RBPJL: variants seen among roughly 807,000 people sequenced by gnomAD.
RBPJL encodes recombination signal binding protein for immunoglobulin kappa J region like, also known as recombining binding protein suppressor of hairless-like protein.
Under a neutral mutation model 57.6 loss-of-function variants are expected in RBPJL, and 50 were observed. That is an observed-to-expected ratio of 0.87 (90% CI 0.69 to 1.10). The LOEUF is 1.10. Among genes scored for constraint, RBPJL ranks in the 50% least tolerant of loss-of-function variants. The probability of loss-of-function intolerance (pLI) is 0.00; values close to 1 mark genes in which losing one functional copy is unlikely to be tolerated. For missense variants in RBPJL, 684 were observed against 693.7 expected, an observed-to-expected ratio of 0.99 and a Z score of 0.16; for synonymous variants, 303 against 294.4, an observed-to-expected ratio of 1.03 and a Z score of -0.30.
chr20:45,313,362 C>A (rs1186210326), intron 6 of RBPJL, 106 bp from the exon 7 acceptor site: 2 of 877,448 alleles, frequency 2.3e-6, no homozygotes, highest in Non-Finnish European at 3.4e-6. Flanking sequence ...CTCACCCTCA[C>A]CCTAACCCTC....
rs554776269 is a variant in RBPJL at position 45,317,105 on chromosome 20, G to C, written c.*146G>C. 8.2e-5 allele frequency: 80 copies of C among 970,542 alleles called. 1 individual carries two copies. The African/African-American group carries it at 1.2e-3, about 15-fold the overall frequency. 60.1% of individuals were successfully genotyped at this position (970,542 alleles called of 1,614,324 possible). On this transcript the variant is annotated 3_prime_UTR_variant, in exon 12 of 12. Coordinates refer to ENST00000343694, the MANE Select transcript of RBPJL (RefSeq NM_014276.4). ...GCTCACCCTAGAAACCGGGCCTGGTGGGTCTTACCCGGCTCACTCCCTCCC... is the reference window on the plus strand; with the variant it reads ...GCTCACCCTAGAAACCGGGCCTGGTCGGTCTTACCCGGCTCACTCCCTCCC...
intron 1 of RBPJL, 139 bp downstream of exon 1, chr20:45,307,083 G>GA: frequency 2.1e-6 from 1 of 483,844 alleles, no homozygotes; most frequent in Non-Finnish European, 3.3e-6. Context: ...AGCAGGATTA[G>GA]AACCTAGGGC....
At chr20:45,311,191 GAGGAAGGA>G (rs58816232) in intron 3 of RBPJL, among the ~76,000 whole-genome samples, 10,935 of 151,542 alleles carry the variant, frequency 0.072, 627 homozygotes, top group Admixed American at 0.17. Flanking sequence ...AAGAAAGAGA[GAGGAAGGA>G]AGGAAGGAAG....
At chr20:45,311,702 G>A (rs751832832) in intron 4 of RBPJL, 43 bp downstream of exon 4, 1 of 1,604,504 alleles carries the variant, frequency 6.2e-7, no homozygotes, top group South Asian at 1.1e-5. Flanking sequence ...GCTCTGTAGG[G>A]AGGACCACGA....
rs776530680 is a variant in RBPJL, at chr20:45,311,596, T to A, written c.265T>A (p.Cys89Ser). The change falls in exon 4 of 12, where the codon TGC becomes AGC. Residue 89 changes from cysteine to serine, a missense_variant. Coordinates refer to ENST00000343694, the MANE Select transcript of RBPJL (RefSeq NM_014276.4). The part of the protein sequence containing the change: ...KSYGNEKRFF[C>S]PPPCVYLSGP... ...ACTCACTTATCTCCGCAGGTTCTTC[T>A]GCCCCCCGCCCTGTGTCTACCTCTC... 6.2e-7 allele frequency: 1 copy of A among 1,614,162 alleles called. No individual in the cohort carries two copies. Among genetic ancestry groups the A allele is most frequent in the Non-Finnish European group, 8.5e-7 (1 of 1,180,012 alleles).
chr20:45,315,666 G>A lies in RBPJL; in HGVS notation c.1021-521G>A, dbSNP rs578014282. On this transcript the variant is annotated intron_variant, in intron 9 of 11. Coordinates refer to ENST00000343694, the MANE Select transcript of RBPJL (RefSeq NM_014276.4). ...TGAGGCAGGAGAATCATTTGAACCC[G>A]GGAGGCGGAGGTTGCAATGAGCCAA... 1.3e-3 allele frequency among the ~76,000 whole-genome samples: 192 copies of A among 151,642 alleles called. 1 individual carries two copies. The highest frequency in any genetic ancestry group is 4.5e-3 in the African/African-American group (186 of 41,350).
intron 6 of RBPJL, 29 bp from the exon 7 acceptor site, chr20:45,313,439 C>CACCCTA: frequency 1.3e-6 from 2 of 1,581,842 alleles, no homozygotes; most frequent in Non-Finnish European, 1.7e-6. Flanking sequence ...CCCTCACCCT[C>CACCCTA]ACCCTAACCC....
In RBPJL at chr20:45,316,491, C is replaced by A. The variant is rs1336661307; in HGVS notation, c.1191C>A (p.Gly397=). 1.3e-6 allele frequency: 2 copies of A among 1,546,536 alleles called. No individual in the cohort carries two copies. Among genetic ancestry groups the A allele is most frequent in the African/African-American group, 1.4e-5 (1 of 72,744 alleles). Residue 397 remains glycine (G), a synonymous_variant, in exon 11 of 12, where the codon GGC becomes GGA. Coordinates refer to ENST00000343694, the MANE Select transcript of RBPJL (RefSeq NM_014276.4). ...CCCTCCCCCAGCTGAGCGGCGGGGG[C>A]GACGTGGCCACGCTGGAGCTCCACG... The part of the protein sequence containing the change: ...LISTLELSGG[G]DVATLELHGE...
intron 2 of RBPJL, among the ~76,000 whole-genome samples, chr20:45,309,086 C>G (rs1226940396): frequency 1.3e-5 from 2 of 152,062 alleles, no homozygotes; most frequent in African/African-American, 4.8e-5. Flanking sequence ...GAGAGCGCTC[C>G]AGGCCAGGAG....
chr20:45,316,287 G>T lies in RBPJL; in HGVS notation c.1121G>T (p.Ser374Ile). The T allele has an allele frequency of 1.2e-6, 2 of 1,614,210 alleles. No homozygotes were observed. The highest frequency in any genetic ancestry group is 1.1e-5 in the South Asian group (1 of 91,090). The change falls in exon 10 of 12, where the codon AGC becomes ATC. Residue 374 changes from serine to isoleucine, a missense_variant. Ser to Ile is a moderately radical substitution (Grantham distance 142). Transcript: ENST00000343694. ...TESVEFSFST[S>I]LACTLEPVTP... ...TCGGTGGAATTTTCCTTCAGCACCA[G>T]CCTGGCGTGTACCCTGGAGCCGGTC...
Position 45,308,195 on chromosome 20 carries a change from A to G in RBPJL, c.75A>G (p.Ser25=), listed in dbSNP as rs1415175832. 6.2e-7 allele frequency: 1 copy of G among 1,614,106 alleles called. No individual in the cohort carries two copies. Among genetic ancestry groups the G allele is most frequent in the African/African-American group, 1.3e-5 (1 of 75,058 alleles). ...CTCACCTGAGCCTGCAGGACAGATC[A>G]GAGATGCAGCTGCAGAGCGAAGCCG... ...PLTHLSLQDR[S]EMQLQSEADR... Residue 25 remains serine, a synonymous_variant, in exon 2 of 12, where the codon TCA becomes TCG. Coordinates refer to ENST00000343694, the MANE Select transcript of RBPJL (RefSeq NM_014276.4).
intron 3 of RBPJL, 112 bp downstream of exon 3, chr20:45,309,804 C>A (rs1987059240): frequency 3.3e-5 from 46 of 1,395,348 alleles, no homozygotes; most frequent in Non-Finnish European, 4.2e-5. Context: ...GGGCTGAGAT[C>A]TCAGCTATTG....
In RBPJL at chr20:45,317,079, G is replaced by A. The variant is rs1987517034; in HGVS notation, c.*120G>A. 9.3e-6 allele frequency: 12 copies of A among 1,291,550 alleles called. No individual in the cohort carries two copies. The highest frequency in any genetic ancestry group is 4.2e-5 in the South Asian group (3 of 70,628). The allele number at this position is 1,291,550 out of a possible 1,614,324, so 80.0% of individuals were successfully genotyped here. ...CCTTTGCTGCAGAAGGGCAGCTGAA[G>A]GCTCACCCTAGAAACCGGGCCTGGT... On this transcript the variant is annotated 3_prime_UTR_variant, in exon 12 of 12. Transcript: ENST00000343694.
At chr20:45,311,469 T>C in intron 3 of RBPJL, 120 bp from the exon 4 acceptor site, 2 of 853,184 alleles carry the variant, frequency 2.3e-6, no homozygotes, top group Non-Finnish European at 3.8e-6. Context: ...TGAAAAAGCG[T>C]TGCGGGGAGC....
intron 1 of RBPJL, 94 bp downstream of exon 1, chr20:45,307,038 C>T: frequency 1.4e-6 from 1 of 711,986 alleles, no homozygotes; most frequent in Non-Finnish European, 1.8e-6. Flanking sequence ...AATAGGAAAA[C>T]TAAGCCCCAA....
In RBPJL at chr20:45,312,232, C is replaced by A. The variant is rs756368944; in HGVS notation, c.456C>A (p.Cys152Ter). Residue 152 changes from cysteine (C) to a stop codon, truncating the protein, a stop_gained, in exon 6 of 12, where the codon TGC becomes TGA. Transcript: ENST00000343694. LOFTEE classifies it high-confidence loss of function. ...TGTGAGCCCCCTAGGAATTCGGCTG[C>A]GCCAAGACCCTGTACATCTCAGATG... Reference protein sequence around the residue: ...EQQPDSREFGCAKTLYISDAD... With the variant: ...EQQPDSREFG 3 of 1,614,208 alleles carry A rather than the reference C, an allele frequency of 1.9e-6. No individual in the cohort carries two copies. Among genetic ancestry groups the A allele is most frequent in the Non-Finnish European group, 2.5e-6 (3 of 1,180,042 alleles).
Position 45,316,588 on chromosome 20 carries a change from G to A in RBPJL, c.1280+8G>A. On this transcript the variant is annotated splice_region_variant and intron_variant, in intron 11 of 11. Coordinates refer to ENST00000343694, the MANE Select transcript of RBPJL (RefSeq NM_014276.4). ...GGCAGAAACCATGTACAGGTACGGG[G>A]TGGTGAGGCAGCCTCTCTTGGGCCC... is the stretch of plus-strand genomic sequence containing the variant. The A allele has an allele frequency of 2.0e-6, 3 of 1,522,704 alleles. No homozygotes were observed. The highest frequency in any genetic ancestry group is 2.6e-6 in the Non-Finnish European group (3 of 1,133,720). 94.3% of individuals were successfully genotyped at this position (1,522,704 alleles called of 1,614,324 possible).
At chr20:45,314,279 G>T in intron 8 of RBPJL, 134 bp from the exon 9 acceptor site, 1 of 1,273,396 alleles carries the variant, frequency 7.9e-7, no homozygotes, top group Non-Finnish European at 1.1e-6. Flanking sequence ...CGTAGGACCA[G>T]ACAGAAGTCA....
Position 45,312,527 on chromosome 20 carries a change from G to T in RBPJL, c.619+132G>T, listed in dbSNP as rs545851248. The T allele has an allele frequency of 1.2e-4, 103 of 875,872 alleles. No homozygotes were observed. In the South Asian group the frequency reaches 1.8e-3, roughly 15 times the overall value. 54.3% of individuals were successfully genotyped at this position (875,872 alleles called of 1,614,324 possible). On this transcript the variant is annotated intron_variant, in intron 6 of 11. Coordinates refer to ENST00000343694, the MANE Select transcript of RBPJL (RefSeq NM_014276.4). The stretch of plus-strand genomic sequence containing the variant: ...GAGTGGAAAAGGTGGAGTCGGAGCC[G>T]AGAGGGGAAGGAGTCTGGATGAGTG...
Sources: allele counts gnomAD v4.1 joint callset (sites outside exome capture counted in the v4.1 genomes callset), GRCh38; gene constraint gnomAD v4.1.1; transcripts MANE v1.5; gene names NCBI Gene and HGNC (gene_info 2026-07-23, HGNC 2026-07-21).